Variants in DDX10 observed in about 807,000 individuals in gnomAD.
DDX10 encodes DEAD-box helicase 10.
Under a neutral mutation model 104.3 loss-of-function variants are expected in DDX10, and 74 were observed. That is an observed-to-expected ratio of 0.71 (90% confidence interval 0.59 to 0.86). The LOEUF is 0.86. DDX10 is among the 40% of genes least tolerant of loss of function. DDX10 has a pLI of 0.00. For synonymous variants in DDX10, 351 were observed against 353.4 expected, an observed-to-expected ratio of 0.99 and a Z score of 0.08; for missense variants, 952 against 1,040.0, an observed-to-expected ratio of 0.92 and a Z score of 1.16.
chr11:108,909,947 T>A (rs1043724378), intron 16 of DDX10, among the ~76,000 whole-genome samples: 1 of 152,208 alleles, frequency 6.6e-6, no homozygotes, highest in Non-Finnish European at 1.5e-5. Flanking sequence ...TAAACAGGTG[T>A]CTTACATTAT....
intron 16 of DDX10, among the ~76,000 whole-genome samples, chr11:108,875,220 A>C (rs377579353): frequency 3.0e-4 from 46 of 152,300 alleles, no homozygotes; most frequent in Admixed American, 7.2e-4. Flanking sequence ...CGTTTAGTCA[A>C]TCTAAGCTGG....
chr11:108,891,608 A>G (rs1399919307), intron 16 of DDX10, among the ~76,000 whole-genome samples: 2 of 152,190 alleles, frequency 1.3e-5, no homozygotes, highest in African/African-American at 2.4e-5. Flanking sequence ...TCTTGCCTCA[A>G]AGTATAATTG....
chr11:108,900,136 T>C (rs1051357183), intron 16 of DDX10, among the ~76,000 whole-genome samples: 4 of 151,998 alleles, frequency 2.6e-5, no homozygotes, highest in African/African-American at 9.7e-5. Context: ...GTGTGGTTCT[T>C]CCGTCCTCCC....
chr11:108,728,504 CTTTTT>C lies in DDX10; in HGVS notation c.1965+5065_1965+5069del, dbSNP rs71050884. On this transcript the variant is annotated intron_variant, in intron 13 of 17. Coordinates refer to ENST00000322536, the MANE Select transcript of DDX10 (RefSeq NM_004398.4). ...TTTTAAGTATACATACACATTTGTT[CTTTTT>C]TTTTTTTTTTTTTTTTTTTTTTAGA... 4.9e-5 allele frequency among the ~76,000 whole-genome samples: 6 copies of C among 121,820 alleles called. No individual in the cohort carries two copies. The South Asian group carries it at 1.6e-3, about 32-fold the overall frequency. The allele number at this position is 121,820 out of a possible 152,430, so 79.9% of individuals were successfully genotyped here. A position where few individuals can be genotyped will look rare whatever the true frequency, so the allele number is the denominator to read the frequency against.
At position 108,865,319 on chromosome 11, in the gene DDX10, A is replaced by G. The variant is rs537339430; in HGVS notation, c.2304+13110A>G. On this transcript the variant is annotated intron_variant, in intron 16 of 17. Transcript: ENST00000322536. ...CTGCTTGAAGTGTCCAGGACTATAT[A>G]TCCTGTGGGGCCTCTTTTAGCTCTA... 4.6e-5 allele frequency among the ~76,000 whole-genome samples: 7 copies of G among 152,162 alleles called. 1 individual carries two copies. In the South Asian group the frequency reaches 1.2e-3, roughly 27 times the overall value.
intron 14 of DDX10, 147 bp downstream of exon 14, chr11:108,838,712 A>G (rs1862595619): frequency 5.5e-6 from 5 of 907,946 alleles, no homozygotes; most frequent in African/African-American, 1.7e-5. Flanking sequence ...TGTAGGCTGT[A>G]CATCAGCTCT....
At chr11:108,750,757 T>A (rs2094337478) in intron 13 of DDX10, among the ~76,000 whole-genome samples, 1 of 150,684 alleles carries the variant, frequency 6.6e-6, no homozygotes, top group African/African-American at 2.4e-5. Context: ...TATTGTATAT[T>A]TAACTTTTTT....
rs553795988 is a variant in DDX10 at position 108,807,359 on chromosome 11, A to G, written c.1966-31087A>G. 9.9e-5 allele frequency among the ~76,000 whole-genome samples: 15 copies of G among 152,276 alleles called. No homozygotes were observed. The South Asian group carries it at 2.5e-3, about 25-fold the overall frequency. On this transcript the variant is annotated intron_variant, in intron 13 of 17. Coordinates refer to ENST00000322536, the MANE Select transcript of DDX10 (RefSeq NM_004398.4). ...TTATGGGTTCAAATTTATATTTTAA[A>G]CTGTGACTGGTAGCAATGTCAAGCC...
At chr11:108,755,966 CTTCCCTCTTTCCCTCT>C (rs200458750) in intron 13 of DDX10, among the ~76,000 whole-genome samples, 3 of 151,284 alleles carry the variant, frequency 2.0e-5, no homozygotes, top group Admixed American at 6.6e-5. Context: ...CTTCCTCCCC[CTTCCCTCTTTCCCTCT>C]TTCCCTCTTT....
At chr11:108,930,762 C>T in intron 17 of DDX10, among the ~76,000 whole-genome samples, 1 of 152,068 alleles carries the variant, frequency 6.6e-6, no homozygotes, top group Non-Finnish European at 1.5e-5. Context: ...TAATAATATG[C>T]TTTGTCTTTT....
intron 13 of DDX10, among the ~76,000 whole-genome samples, chr11:108,806,879 G>C (rs1013538602): frequency 6.6e-6 from 1 of 152,192 alleles, no homozygotes; most frequent in African/African-American, 2.4e-5. Flanking sequence ...ACAGTGATGA[G>C]TGGTACAAGA....
At chr11:108,808,171 T>C (rs1165004895) in intron 13 of DDX10, among the ~76,000 whole-genome samples, 1 of 152,154 alleles carries the variant, frequency 6.6e-6, no homozygotes, top group Non-Finnish European at 1.5e-5. Flanking sequence ...GGAGAAAGCA[T>C]AGCAAGAGAA....
intron 16 of DDX10, among the ~76,000 whole-genome samples, chr11:108,896,921 CTTTTTT>C (rs1204949433): frequency 7.0e-6 from 1 of 143,426 alleles, no homozygotes; most frequent in South Asian, 2.2e-4. Context: ...AGTAGAAAGA[CTTTTTT>C]TTTTTTAAGA....
At chr11:108,706,322 G>A (rs986892252) in intron 9 of DDX10, among the ~76,000 whole-genome samples, 2 of 151,700 alleles carry the variant, frequency 1.3e-5, no homozygotes, top group Non-Finnish European at 2.9e-5. Context: ...TTACTTCCAA[G>A]GTGTAAATAA....
At chr11:108,805,239 G>T (rs1591822917) in intron 13 of DDX10, among the ~76,000 whole-genome samples, 1 of 152,250 alleles carries the variant, frequency 6.6e-6, no homozygotes, top group East Asian at 1.9e-4. Context: ...TGCCAAGAAT[G>T]AGGTCTATCT....
chr11:108,697,071 A>G (rs984543543), intron 9 of DDX10, among the ~76,000 whole-genome samples: 4 of 152,192 alleles, frequency 2.6e-5, no homozygotes, highest in Non-Finnish European at 1.5e-5. Flanking sequence ...AAGAGAGAGA[A>G]TACTAATCTG....
chr11:108,703,886 T>C (rs1386185163), intron 9 of DDX10, among the ~76,000 whole-genome samples: 3 of 152,312 alleles, frequency 2.0e-5, no homozygotes, highest in Admixed American at 6.5e-5. Flanking sequence ...ATGTGTGTAA[T>C]GTAAAATAGG....
At chr11:108,909,186 C>G (rs1265006101) in intron 16 of DDX10, among the ~76,000 whole-genome samples, 1 of 152,230 alleles carries the variant, frequency 6.6e-6, no homozygotes, top group African/African-American at 2.4e-5. Flanking sequence ...GCCCTATTCC[C>G]CCCACCTCCC....
intron 16 of DDX10, among the ~76,000 whole-genome samples, chr11:108,908,138 C>T (rs1292851741): frequency 1.3e-5 from 2 of 152,014 alleles, no homozygotes; most frequent in Non-Finnish European, 2.9e-5. Flanking sequence ...TAATTTAGTG[C>T]CTAGGATTTA....
Sources: allele counts gnomAD v4.1 joint callset (sites outside exome capture counted in the v4.1 genomes callset), GRCh38; gene constraint gnomAD v4.1.1; transcripts MANE v1.5; gene names NCBI Gene and HGNC (gene_info 2026-07-23, HGNC 2026-07-21).